The following CDK14 variants were observed in gnomAD, a reference collection of about 807,000 sequenced individuals.
CDK14 encodes the protein cyclin-dependent kinase 14.
Under a neutral mutation model 60.7 loss-of-function variants are expected in CDK14, and 34 were observed. The observed-to-expected ratio is 0.56, with a 90% CI of 0.43 to 0.75. The LOEUF (loss-of-function observed/expected upper bound fraction) is 0.75, where lower values mean the gene tolerates loss of function less well. CDK14 is among the 30% of genes least tolerant of loss of function. CDK14 has a pLI of 0.00. For missense variants in CDK14, 482 were observed against 564.1 expected (o/e 0.85, Z 1.47); for synonymous variants, 197 against 203.7 (o/e 0.97, Z 0.28).
intron 2 of CDK14, chr7:90,710,700 A>T (rs1222045125): frequency 3.8e-6 from 1 of 262,298 alleles, no homozygotes; most frequent in Non-Finnish European, 5.9e-6. Context: ...CTAATGGAGA[A>T]CCCCTGCATT....
At chr7:91,136,381 T>C (rs187664073) in intron 14 of CDK14, among the ~76,000 whole-genome samples, 2 of 152,344 alleles carry the variant, frequency 1.3e-5, no homozygotes, top group African/African-American at 2.4e-5. Flanking sequence ...ACTTCACTAG[T>C]TGATTTGAGC....
chr7:90,861,563 C>G (rs1791010532), intron 5 of CDK14, among the ~76,000 whole-genome samples: 1 of 152,084 alleles, frequency 6.6e-6, no homozygotes, highest in Non-Finnish European at 1.5e-5. Flanking sequence ...CTGAAAGTGA[C>G]TGGAATTGGC....
At chr7:90,983,841 A>G (rs957328122) in intron 9 of CDK14, among the ~76,000 whole-genome samples, 2 of 152,156 alleles carry the variant, frequency 1.3e-5, no homozygotes, top group South Asian at 2.1e-4. Flanking sequence ...ATAAAAAGCA[A>G]CAATAGACAC....
At chr7:90,972,049 T>G in intron 9 of CDK14, among the ~76,000 whole-genome samples, 1 of 152,254 alleles carries the variant, frequency 6.6e-6, no homozygotes, top group South Asian at 2.1e-4. Flanking sequence ...AATTTGTAAG[T>G]ACAACTTCTT....
chr7:90,662,745 A>G (rs1287184818), intron 2 of CDK14, among the ~76,000 whole-genome samples: 2 of 152,212 alleles, frequency 1.3e-5, no homozygotes, highest in East Asian at 3.9e-4. Context: ...AATTTTTTAT[A>G]GCTCATTTAT....
chr7:90,789,719 G>T (rs1805747774), intron 4 of CDK14, among the ~76,000 whole-genome samples: 1 of 152,080 alleles, frequency 6.6e-6, no homozygotes, highest in Non-Finnish European at 1.5e-5. Flanking sequence ...ATCCACTGAG[G>T]ATTATATGTG....
intron 2 of CDK14, among the ~76,000 whole-genome samples, chr7:90,641,098 G>T (rs1366601462): frequency 6.7e-6 from 1 of 149,446 alleles, no homozygotes; most frequent in Non-Finnish European, 1.5e-5. Flanking sequence ...ATCTAGGATG[G>T]CCTGAAGAAA....
At chr7:90,821,216 G>C (rs1425074767) in intron 5 of CDK14, among the ~76,000 whole-genome samples, 1 of 152,148 alleles carries the variant, frequency 6.6e-6, no homozygotes, top group Non-Finnish European at 1.5e-5. Flanking sequence ...CAGGTTTATT[G>C]GAGAATGATT....
At chr7:90,876,309 C>T (rs918415725) in intron 6 of CDK14, among the ~76,000 whole-genome samples, 13 of 152,204 alleles carry the variant, frequency 8.5e-5, no homozygotes, top group Non-Finnish European at 1.8e-4. Flanking sequence ...TACATAATCC[C>T]CCATTTTAGG....
At chr7:90,672,522 T>G (rs1325013659) in intron 2 of CDK14, among the ~76,000 whole-genome samples, 2 of 136,770 alleles carry the variant, frequency 1.5e-5, no homozygotes, top group South Asian at 2.4e-4. Flanking sequence ...TTTTTTTTTT[T>G]TTTTTTTTTT....
intron 4 of CDK14, among the ~76,000 whole-genome samples, chr7:90,788,339 T>G (rs11760271): frequency 6.6e-6 from 1 of 152,172 alleles, no homozygotes. Flanking sequence ...TGCTTAGTCC[T>G]AAAAGATGAA....
rs1802951153 is a variant in CDK14 at position 91,207,888 on chromosome 7, C to T, written c.*752C>T. ...AACAAAGACAGGGATAAATTGCTTA[C>T]ATTTCAACCTCTGGAGATTGAGGTA... On this transcript the variant is annotated 3_prime_UTR_variant, in exon 15 of 15. Transcript: ENST00000380050. 6.6e-6 allele frequency: 1 copy of T among 152,614 alleles called. No homozygotes were observed. The highest frequency in any genetic ancestry group is 2.1e-4 in the South Asian group (1 of 4,828). 9.5% of individuals were successfully genotyped at this position (152,614 alleles called of 1,614,324 possible).
chr7:91,180,482 A>ATC (rs1801967171), intron 14 of CDK14, among the ~76,000 whole-genome samples: 1 of 150,302 alleles, frequency 6.7e-6, no homozygotes, highest in South Asian at 2.1e-4. Flanking sequence ...ACATACATGC[A>ATC]TAGAAAGAAG....
At chr7:90,726,366 A>T (rs1361491630) in intron 2 of CDK14, 7 of 1,318,650 alleles carry the variant, frequency 5.3e-6, no homozygotes, top group Non-Finnish European at 5.9e-6. Context: ...TGTAAGCTCT[A>T]GTGTGAGATC....
chr7:91,190,514 G>T (rs1333484092), intron 14 of CDK14, among the ~76,000 whole-genome samples: 1 of 152,150 alleles, frequency 6.6e-6, no homozygotes, highest in Admixed American at 6.5e-5. Context: ...TTTGAAGTCG[G>T]AGTTTCACTC....
At chr7:91,119,471 C>G (rs1417744795) in intron 14 of CDK14, among the ~76,000 whole-genome samples, 1 of 152,098 alleles carries the variant, frequency 6.6e-6, no homozygotes, top group Non-Finnish European at 1.5e-5. Flanking sequence ...GTGACAGAGC[C>G]AGACCCTGTC....
At chr7:90,920,716 A>G (rs550763485) in intron 8 of CDK14, among the ~76,000 whole-genome samples, 2 of 152,352 alleles carry the variant, frequency 1.3e-5, no homozygotes, top group South Asian at 2.1e-4. Flanking sequence ...TATAACAAAT[A>G]TGACACCCAT....
chr7:90,815,887 G>C (rs1043412864), intron 5 of CDK14, among the ~76,000 whole-genome samples: 4 of 151,810 alleles, frequency 2.6e-5, no homozygotes, highest in African/African-American at 9.7e-5. Context: ...TGGACACAGG[G>C]AGGGTAACTT....
chr7:91,054,963 A>G (rs939307648), intron 11 of CDK14, among the ~76,000 whole-genome samples: 1 of 152,140 alleles, frequency 6.6e-6, no homozygotes, highest in Non-Finnish European at 1.5e-5. Context: ...TGTTTTCAGA[A>G]AGACCTACAG....
Sources: allele counts gnomAD v4.1 joint callset (sites outside exome capture counted in the v4.1 genomes callset), GRCh38; gene constraint gnomAD v4.1.1; transcripts MANE v1.5; gene names NCBI Gene and HGNC (gene_info 2026-07-23, HGNC 2026-07-21).